Variants in KLF13 observed in about 807,000 individuals in gnomAD.
KLF13 encodes Krueppel-like factor 13.
A neutral mutation model predicts 16.7 loss-of-function variants in KLF13; 8 were observed. The ratio of observed to expected loss-of-function variants is 0.48; its 90% CI spans 0.28 to 0.87. KLF13 has a LOEUF of 0.87. Among genes scored for constraint, KLF13 ranks in the 40% least tolerant of loss-of-function variants. The pLI is 0.10. For missense variants in KLF13, 447 were observed against 452.2 expected, an observed-to-expected ratio of 0.99 and a Z score of 0.10; for synonymous variants, 245 against 208.4, an observed-to-expected ratio of 1.18 and a Z score of -1.51.
chr15:31,398,728 G>T lies in KLF13; in HGVS notation n.530-4700G>T, dbSNP rs143427605. Among the ~76,000 whole-genome samples the T allele has an allele frequency of 3.3e-4, 51 of 152,254 alleles. No individual in the cohort carries two copies. In the East Asian group the frequency reaches 9.5e-3, roughly 28 times the overall value. ...AGGCCTTGGAAAGATCAAGCAGGAG[G>T]CCAAGGCTGTTGGAGCTGAGAAGCA... On this transcript the variant is annotated intron_variant and non_coding_transcript_variant, in intron 2 of 2. Transcript: ENST00000500533.
In KLF13 at chr15:31,377,399, T is replaced by A. The variant is rs1044812761; in HGVS notation, c.*5100T>A. The A allele has an allele frequency of 5.9e-5, 9 of 152,570 alleles. 1 individual carries two copies. The highest frequency in any genetic ancestry group is 2.6e-4 in the Admixed American group (4 of 15,260). The allele number at this position is 152,570 out of a possible 1,614,324, so 9.5% of individuals were successfully genotyped here. The stretch of plus-strand genomic sequence containing the variant: ...CTACTGAGCAACTATGCATTGTCAT[T>A]GTCGGGTTTGGGGCTTTCGGTGGTT... On this transcript the variant is annotated 3_prime_UTR_variant, in exon 2 of 2. Transcript: ENST00000307145.
intron 1 of KLF13, among the ~76,000 whole-genome samples, chr15:31,423,186 T>C (rs2040365534): frequency 7.5e-6 from 1 of 134,072 alleles, no homozygotes; most frequent in Non-Finnish European, 1.6e-5. Context: ...CATATATACG[T>C]ATATATATAT....
chr15:31,327,994 C>T (rs998823103), intron 1 of KLF13, among the ~76,000 whole-genome samples: 41 of 148,068 alleles, frequency 2.8e-4, no homozygotes, highest in Admixed American at 1.0e-3. Context: ...GAGCCGGCGC[C>T]CGCCAGGCGA....
chr15:31,362,617 A>ATT (rs750615081), intron 1 of KLF13, among the ~76,000 whole-genome samples: 12 of 152,336 alleles, frequency 7.9e-5, no homozygotes, highest in Non-Finnish European at 1.2e-4. Flanking sequence ...TTTGTTTTGA[A>ATT]TTTAACTTTT....
intron 1 of KLF13, among the ~76,000 whole-genome samples, chr15:31,351,403 T>C (rs1008114564): frequency 6.6e-6 from 1 of 152,254 alleles, no homozygotes; most frequent in Non-Finnish European, 1.5e-5. Context: ...TTTTCTGTTC[T>C]ACATTTTCCT....
intron 1 of KLF13, among the ~76,000 whole-genome samples, chr15:31,429,125 C>G (rs561698618): frequency 2.6e-5 from 4 of 152,150 alleles, no homozygotes; most frequent in African/African-American, 9.6e-5. Context: ...CTGTACAGTG[C>G]TGCATTCTGT....
At chr15:31,333,316 C>T (rs60836875) in intron 1 of KLF13, among the ~76,000 whole-genome samples, 8,591 of 152,222 alleles carry the variant, frequency 0.056, 816 homozygotes, top group African/African-American at 0.2. Flanking sequence ...CCTGGGCAGC[C>T]GCCCCCGAGG....
intron 1 of KLF13, among the ~76,000 whole-genome samples, chr15:31,330,068 C>T (rs917293877): frequency 3.9e-5 from 6 of 152,208 alleles, no homozygotes; most frequent in Non-Finnish European, 5.9e-5. Context: ...TTTCCAGCCC[C>T]TTCCCAGGTG....
intron 1 of KLF13, among the ~76,000 whole-genome samples, chr15:31,383,929 TA>T (rs71422887): frequency 6.6e-6 from 1 of 151,560 alleles, no homozygotes; most frequent in East Asian, 1.9e-4. Flanking sequence ...ATAAATAAAA[TA>T]AAATAAAAAT....
downstream of KLF13, among the ~76,000 whole-genome samples, chr15:31,405,035 A>C (rs1358102749): frequency 1.3e-5 from 2 of 152,178 alleles, no homozygotes; most frequent in Non-Finnish European, 2.9e-5. Flanking sequence ...CTGTAGATGG[A>C]ACCATGTGCC....
intron 1 of KLF13, among the ~76,000 whole-genome samples, chr15:31,330,341 C>T (rs927372542): frequency 6.6e-6 from 1 of 152,182 alleles, no homozygotes; most frequent in East Asian, 1.9e-4. Context: ...GAAGGTGCCC[C>T]CGCCCCACTT....
rs562970539 is a variant in KLF13 at position 31,416,644 on chromosome 15, G to A, written n.118-18726G>A. On this transcript the variant is annotated intron_variant and non_coding_transcript_variant, in intron 1 of 1. Transcript: ENST00000558225. ...AGGAAACTTCTTTAATTAGATAAAGGCATTTATAAAACACCCATATCAAAT... is the reference window on the plus strand; with the variant it reads ...AGGAAACTTCTTTAATTAGATAAAGACATTTATAAAACACCCATATCAAAT... 1.4e-4 allele frequency among the ~76,000 whole-genome samples: 22 copies of A among 152,112 alleles called. No individual in the cohort carries two copies. The South Asian group carries it at 4.6e-3, about 32-fold the overall frequency.
exon 3 of KLF13, chr15:31,404,686 T>C (rs2040091478): frequency 6.6e-6 from 1 of 152,192 alleles, no homozygotes; most frequent in African/African-American, 2.4e-5. Flanking sequence ...CCTGTTGTGG[T>C]GTATTTGTTA....
chr15:31,426,978 C>T (rs1434189944), intron 1 of KLF13, among the ~76,000 whole-genome samples: 1 of 152,174 alleles, frequency 6.6e-6, no homozygotes, highest in East Asian at 1.9e-4. Flanking sequence ...CTTTGGAGTC[C>T]AGGACTTATG....
chr15:31,418,063 T>C (rs1190285093), intron 1 of KLF13, among the ~76,000 whole-genome samples: 1 of 152,122 alleles, frequency 6.6e-6, no homozygotes, highest in African/African-American at 2.4e-5. Flanking sequence ...CCCACCTCTA[T>C]ATATAAAAAG....
At chr15:31,409,216 C>T (rs568455103), downstream of KLF13, among the ~76,000 whole-genome samples, 7 of 152,026 alleles carry the variant, frequency 4.6e-5, no homozygotes, top group South Asian at 2.1e-4. Flanking sequence ...ACCCAGGAGG[C>T]GGAGTTCACA....
At chr15:31,395,313 C>T (rs958500469) in intron 2 of KLF13, among the ~76,000 whole-genome samples, 2 of 152,094 alleles carry the variant, frequency 1.3e-5, no homozygotes, top group Non-Finnish European at 2.9e-5. Context: ...AATACTCTGT[C>T]GTATGGATAT....
rs527573610 is a variant in KLF13, at chr15:31,329,628, G to A, written c.577+1839G>A. ...TCTTGACTAGAATATTGGCGCAGGG[G>A]CTCTGGAGACCCGGGCCTCCCGCTG... is the stretch of plus-strand genomic sequence containing the variant. On this transcript the variant is annotated intron_variant, in intron 1 of 1. Coordinates refer to ENST00000307145, the MANE Select transcript of KLF13 (RefSeq NM_015995.4). Among the ~76,000 whole-genome samples, 4 of 152,316 alleles carry A rather than the reference G, an allele frequency of 2.6e-5. No individual in the cohort carries two copies. The South Asian group carries it at 8.3e-4, about 32-fold the overall frequency.
intron 1 of KLF13, among the ~76,000 whole-genome samples, chr15:31,351,419 A>T (rs2039214344): frequency 1.3e-5 from 2 of 152,190 alleles, no homozygotes; most frequent in Admixed American, 1.3e-4. Context: ...TTCCTGCTTT[A>T]ACATCCTGTT....
Sources: allele counts gnomAD v4.1 joint callset (sites outside exome capture counted in the v4.1 genomes callset), GRCh38; gene constraint gnomAD v4.1.1; transcripts MANE v1.5; gene names NCBI Gene and HGNC (gene_info 2026-07-23, HGNC 2026-07-21).